The following GLI3 variants were observed in gnomAD, a reference collection of about 807,000 sequenced individuals.
GLI3 encodes the protein GLI family zinc finger 3.
GLI3 carries 20 observed loss-of-function variants against 100.8 expected under a neutral mutation model. That is an observed-to-expected ratio of 0.20 (90% confidence interval 0.14 to 0.29). The LOEUF (loss-of-function observed/expected upper bound fraction) is 0.29, where lower values mean the gene tolerates loss of function less well. GLI3 is among the 10% of genes least tolerant of loss of function. GLI3 has a pLI of 1.00. For synonymous variants in GLI3, 938 were observed against 860.5 expected, an observed-to-expected ratio of 1.09 and a Z score of -1.58; for missense variants, 2,040 against 2,128.5, an observed-to-expected ratio of 0.96 and a Z score of 0.82.
At chr7:42,148,092 A>T (rs905745604) in intron 3 of GLI3, 134 bp downstream of exon 3, 2 of 878,946 alleles carry the variant, frequency 2.3e-6, no homozygotes, top group East Asian at 2.7e-5. Flanking sequence ...AAAGAAAATT[A>T]CACCTTTTAA....
At chr7:42,250,537 T>C (rs1432755106) in intron 1 of GLI3, among the ~76,000 whole-genome samples, 2 of 152,176 alleles carry the variant, frequency 1.3e-5, no homozygotes, top group Non-Finnish European at 2.9e-5. Context: ...TCTCAGGCCT[T>C]GACTCAGGGC....
At chr7:42,129,063 T>C (rs1223567605) in intron 3 of GLI3, among the ~76,000 whole-genome samples, 8 of 152,150 alleles carry the variant, frequency 5.3e-5, no homozygotes, top group African/African-American at 1.7e-4. Context: ...TTCTGTGAAA[T>C]GAAAAACTGG....
chr7:42,214,447 T>A (rs1213210726), intron 2 of GLI3, among the ~76,000 whole-genome samples: 2 of 149,662 alleles, frequency 1.3e-5, no homozygotes, highest in Non-Finnish European at 3.0e-5. Context: ...AACTCAACTT[T>A]CTACAACTAA....
chr7:42,147,173 T>C (rs1022653475), intron 3 of GLI3, among the ~76,000 whole-genome samples: 12 of 152,176 alleles, frequency 7.9e-5, no homozygotes, highest in African/African-American at 2.9e-4. Flanking sequence ...CCCTTTGATC[T>C]GAGGAGTGAG....
intron 2 of GLI3, among the ~76,000 whole-genome samples, chr7:42,184,600 T>A (rs559015710): frequency 6.6e-6 from 1 of 152,262 alleles, no homozygotes; most frequent in Admixed American, 6.5e-5. Context: ...TTTTAATGAA[T>A]GAATGAATGA....
intron 2 of GLI3, among the ~76,000 whole-genome samples, chr7:42,193,958 A>G (rs1176708869): frequency 6.6e-6 from 1 of 152,142 alleles, no homozygotes; most frequent in East Asian, 1.9e-4. Flanking sequence ...TCCCCTGAAA[A>G]CGTACTCCCT....
intron 3 of GLI3, among the ~76,000 whole-genome samples, chr7:42,092,785 TTTTATTTATTTA>T (rs201707528): frequency 2.4e-4 from 35 of 145,490 alleles, no homozygotes; most frequent in South Asian, 8.7e-4. Flanking sequence ...TTTTATTTCA[TTTTATTTATTTA>T]TTTATTTATT....
intron 3 of GLI3, among the ~76,000 whole-genome samples, chr7:42,111,712 T>A (rs903541844): frequency 1.3e-5 from 2 of 152,316 alleles, no homozygotes; most frequent in African/African-American, 4.8e-5. Flanking sequence ...GCTAAGCACC[T>A]TTTCTACCAG....
intron 2 of GLI3, among the ~76,000 whole-genome samples, chr7:42,196,927 A>G (rs1450247641): frequency 1.3e-5 from 2 of 152,276 alleles, no homozygotes; most frequent in Non-Finnish European, 2.9e-5. Context: ...CAGAAAGGAC[A>G]TGGACAGGGA....
intron 2 of GLI3, among the ~76,000 whole-genome samples, chr7:42,199,981 G>C (rs1054396963): frequency 6.6e-6 from 1 of 152,252 alleles, no homozygotes; most frequent in East Asian, 1.9e-4. Flanking sequence ...GCTTGAATCC[G>C]GGAGGCGGAG....
intron 10 of GLI3, among the ~76,000 whole-genome samples, chr7:41,981,325 G>A (rs1463770941): frequency 6.6e-6 from 1 of 152,184 alleles, no homozygotes; most frequent in African/African-American, 2.4e-5. Context: ...AAAATGCTGT[G>A]TGCTCAGTCA....
chr7:41,987,037 C>A (rs1787844735), intron 10 of GLI3, among the ~76,000 whole-genome samples: 1 of 151,244 alleles, frequency 6.6e-6, no homozygotes, highest in Non-Finnish European at 1.5e-5. Flanking sequence ...AGTGTTTTTC[C>A]ATGGAAGCAC....
chr7:41,964,971 G>T lies in GLI3; in HGVS notation c.4102C>A (p.His1368Asn). 1 of 1,613,718 alleles carries T rather than the reference G, an allele frequency of 6.2e-7. No individual in the cohort carries two copies. Among genetic ancestry groups the T allele is most frequent in the Non-Finnish European group, 8.5e-7 (1 of 1,180,026 alleles). ...CTTGACGGCTGGCTGCCCATGCCGT[G>T]AGCCCCTGGCAGGCAGCTCTCTGGC... ...QGPESCLPGA[H>N]GMGSQPSSLA... Residue 1368 changes from histidine (H) to asparagine (N), a missense_variant, in exon 15 of 15, where the codon CAC becomes AAC. This residue lies in a region of GLI3 where 1,041 missense variants were observed against 924.0 expected (regional missense o/e 1.13). Coordinates refer to ENST00000395925, the MANE Select transcript of GLI3 (RefSeq NM_000168.6).
chr7:42,042,408 G>A (rs1784165256), intron 6 of GLI3, among the ~76,000 whole-genome samples: 3 of 152,136 alleles, frequency 2.0e-5, no homozygotes, highest in African/African-American at 7.2e-5. Context: ...CACCATGAGA[G>A]GCTAATTTCA....
At chr7:42,213,771 G>A (rs1429436814) in intron 2 of GLI3, among the ~76,000 whole-genome samples, 2 of 152,260 alleles carry the variant, frequency 1.3e-5, no homozygotes, top group Non-Finnish European at 2.9e-5. Context: ...GGGCTACAAA[G>A]ATGGCTGGGG....
chr7:42,148,616 G>C (rs1786779985), intron 2 of GLI3, 148 bp from the exon 3 acceptor site: 1 of 764,874 alleles, frequency 1.3e-6, no homozygotes, highest in Non-Finnish European at 2.2e-6. Flanking sequence ...CTACAGGGCT[G>C]GGATGGGATC....
chr7:42,166,462 T>A (rs755260462), intron 2 of GLI3, among the ~76,000 whole-genome samples: 3 of 152,034 alleles, frequency 2.0e-5, no homozygotes, highest in Non-Finnish European at 4.4e-5. Flanking sequence ...ATCTTTCTGA[T>A]CGGGATGAGG....
intron 3 of GLI3, among the ~76,000 whole-genome samples, chr7:42,129,314 C>T (rs1315262822): frequency 6.6e-6 from 1 of 152,190 alleles, no homozygotes; most frequent in Admixed American, 6.5e-5. Flanking sequence ...AGGATTTGAA[C>T]TGAGGCAGTC....
chr7:42,132,641 C>G (rs1786320026), intron 3 of GLI3, among the ~76,000 whole-genome samples: 1 of 152,176 alleles, frequency 6.6e-6, no homozygotes, highest in Non-Finnish European at 1.5e-5. Context: ...CTTGGCATCC[C>G]AATTTTGGAA....
Sources: gnomAD v4.1 joint callset for allele counts (sites outside exome capture counted in the v4.1 genomes callset) on GRCh38, gnomAD v4.1.1 for gene constraint, gnomAD v4.1.1 regional missense constraint, MANE v1.5 for transcripts, NCBI Gene and HGNC (gene_info 2026-07-23, HGNC 2026-07-21) for gene names.